GRM5: variants seen among roughly 807,000 people sequenced by gnomAD.
GRM5 encodes the protein glutamate metabotropic receptor 5.
GRM5 carries 19 observed loss-of-function variants against 83.1 expected under a neutral mutation model. That is an observed-to-expected ratio of 0.23 (90% confidence interval 0.16 to 0.34). GRM5 has a LOEUF of 0.34. Among genes scored for constraint, GRM5 ranks in the 10% least tolerant of loss-of-function variants. The probability of loss-of-function intolerance (pLI) is 1.00; values close to 1 mark genes in which losing one functional copy is unlikely to be tolerated. For missense variants in GRM5, 1,160 were observed against 1,588.3 expected, an observed-to-expected ratio of 0.73 and a Z score of 4.58; for synonymous variants, 675 against 633.6, an observed-to-expected ratio of 1.07 and a Z score of -0.98.
intron 3 of GRM5, among the ~76,000 whole-genome samples, chr11:88,665,554 C>G (rs371844585): frequency 6.6e-6 from 1 of 152,042 alleles, no homozygotes. Flanking sequence ...AGTAAATAAT[C>G]AAAAATTACA....
At chr11:88,917,912 A>G (rs629159) in intron 2 of GRM5, among the ~76,000 whole-genome samples, 145,585 of 152,092 alleles carry the variant, frequency 0.96, 69,761 homozygotes, top group East Asian at 0.99. Context: ...GGTAGAAAGC[A>G]TATTGAAAAA....
intron 9 of GRM5, chr11:88,524,190 T>TTCTTTCTTTCTTTCTTTCTTTC (rs1270146691): frequency 2.7e-5 from 3 of 112,994 alleles, no homozygotes; most frequent in Non-Finnish European, 3.6e-5. Flanking sequence ...TCTTTTTTCT[T>TTCTTTCTTTCTTTCTTTCTTTC]TTTCTTTCTT....
chr11:88,899,698 T>C (rs1945286563), intron 2 of GRM5, among the ~76,000 whole-genome samples: 1 of 151,890 alleles, frequency 6.6e-6, no homozygotes, highest in Non-Finnish European at 1.5e-5. Flanking sequence ...GAAAAAAAAA[T>C]CTGAAGTGGG....
chr11:88,524,975 G>C (rs771018466), intron 9 of GRM5, among the ~76,000 whole-genome samples: 3 of 152,126 alleles, frequency 2.0e-5, no homozygotes, highest in Non-Finnish European at 4.4e-5. Flanking sequence ...TGAAATATGA[G>C]TTTCCTCCAA....
At chr11:88,922,210 T>C (rs1414376933) in intron 2 of GRM5, among the ~76,000 whole-genome samples, 1 of 152,186 alleles carries the variant, frequency 6.6e-6, no homozygotes, top group East Asian at 1.9e-4. Context: ...ACCATTTACC[T>C]TCTCACATAA....
intron 3 of GRM5, among the ~76,000 whole-genome samples, chr11:88,729,374 T>C (rs947503337): frequency 3.4e-5 from 5 of 147,422 alleles, no homozygotes; most frequent in Non-Finnish European, 6.1e-5. Flanking sequence ...AAAAAAAAAA[T>C]AAGAGGACAC....
intron 3 of GRM5, among the ~76,000 whole-genome samples, chr11:88,678,854 C>T (rs1388413833): frequency 6.6e-6 from 1 of 151,466 alleles, no homozygotes. Context: ...AATCAATATC[C>T]CAGGAAGAAA....
chr11:88,774,566 G>A (rs1222760665), intron 3 of GRM5, among the ~76,000 whole-genome samples: 2 of 152,168 alleles, frequency 1.3e-5, no homozygotes, highest in African/African-American at 4.8e-5. Flanking sequence ...TGCTCATTCA[G>A]TATGACATTG....
At chr11:88,853,064 G>T (rs1944414762) in intron 2 of GRM5, among the ~76,000 whole-genome samples, 1 of 152,100 alleles carries the variant, frequency 6.6e-6, no homozygotes, top group Non-Finnish European at 1.5e-5. Context: ...AAACTAACAT[G>T]TGACTTCATT....
intron 3 of GRM5, among the ~76,000 whole-genome samples, chr11:88,765,468 T>C (rs1942610278): frequency 6.7e-6 from 1 of 149,622 alleles, no homozygotes. Context: ...AAAGCCATAG[T>C]AATCGTAACA....
At chr11:89,016,211 A>C (rs991076720) in intron 2 of GRM5, among the ~76,000 whole-genome samples, 1 of 149,508 alleles carries the variant, frequency 6.7e-6, no homozygotes, top group Non-Finnish European at 1.5e-5. Flanking sequence ...TGTATTATAC[A>C]TATATTTATT....
intron 8 of GRM5, among the ~76,000 whole-genome samples, chr11:88,541,202 A>T (rs1942257962): frequency 6.6e-6 from 1 of 152,192 alleles, no homozygotes; most frequent in East Asian, 1.9e-4. Flanking sequence ...CACACTGCCG[A>T]GTGTCTATCA....
At chr11:88,896,243 A>G (rs1350436335) in intron 2 of GRM5, among the ~76,000 whole-genome samples, 1 of 151,898 alleles carries the variant, frequency 6.6e-6, no homozygotes, top group African/African-American at 2.4e-5. Flanking sequence ...TCACTGACAT[A>G]CATAAATAAG....
chr11:88,540,475 G>A (rs905410810), intron 8 of GRM5, among the ~76,000 whole-genome samples: 2 of 152,134 alleles, frequency 1.3e-5, no homozygotes, highest in Non-Finnish European at 2.9e-5. Context: ...GGTGAAGACT[G>A]AAGGGAGGGG....
chr11:88,796,407 T>C (rs919895430), intron 3 of GRM5, among the ~76,000 whole-genome samples: 3 of 152,210 alleles, frequency 2.0e-5, no homozygotes, highest in African/African-American at 2.4e-5. Flanking sequence ...AATAAGTGAA[T>C]TAAATTTTTA....
At chr11:88,885,294 AAAGACACAAG>A (rs1294230075) in intron 2 of GRM5, among the ~76,000 whole-genome samples, 2 of 151,876 alleles carry the variant, frequency 1.3e-5, no homozygotes, top group East Asian at 3.9e-4. Context: ...TATGTTTTAT[AAAGACACAAG>A]TGGCAACTCA....
chr11:88,656,544 TCA>T (rs1939771334), intron 3 of GRM5, among the ~76,000 whole-genome samples: 1 of 152,158 alleles, frequency 6.6e-6, no homozygotes, highest in African/African-American at 2.4e-5. Context: ...CTTTCTTGTT[TCA>T]GTTTTCATAC....
chr11:89,065,575 T>C (rs1434649114), intron 1 of GRM5, among the ~76,000 whole-genome samples: 1 of 152,076 alleles, frequency 6.6e-6, no homozygotes, highest in Non-Finnish European at 1.5e-5. Context: ...AGGGTGACTT[T>C]TCTAAACTTG....
chr11:88,868,838 C>T (rs1364140767), intron 2 of GRM5, among the ~76,000 whole-genome samples: 1 of 151,748 alleles, frequency 6.6e-6, no homozygotes. Context: ...GATATAACCC[C>T]TGTAATCAGG....
Sources: gnomAD v4.1 joint callset for allele counts (sites outside exome capture counted in the v4.1 genomes callset) on GRCh38, gnomAD v4.1.1 for gene constraint, MANE v1.5 for transcripts, NCBI Gene and HGNC (gene_info 2026-07-23, HGNC 2026-07-21) for gene names.